Variants in FAM114A2 observed in about 807,000 individuals in gnomAD.
The protein encoded by FAM114A2 is protein FAM114A2.
In FAM114A2, 53 loss-of-function variants were observed where a neutral mutation model predicts 58.4. The observed-to-expected ratio is 0.91, with a 90% CI of 0.73 to 1.14. FAM114A2 has a LOEUF of 1.14. FAM114A2 is among the 50% of genes most tolerant of loss of function. The pLI is 0.00. For missense variants in FAM114A2, 601 were observed against 581.1 expected, an observed-to-expected ratio of 1.03 and a Z score of -0.35; for synonymous variants, 228 against 211.4, an observed-to-expected ratio of 1.08 and a Z score of -0.68.
At position 153,993,097 on chromosome 5, in the gene FAM114A2, G is replaced by A. The variant is rs2113143329; in HGVS notation, c.1397C>T (p.Ala466Val). The A allele has an allele frequency of 6.2e-7, 1 of 1,608,600 alleles. No homozygotes were observed. The highest frequency in any genetic ancestry group is 1.1e-5 in the South Asian group (1 of 90,074). The change falls in exon 14 of 14, where the codon GCC becomes GTC. Residue 466 changes from alanine (A) to valine (V), a missense_variant. Ala to Val is a moderately conservative substitution (Grantham distance 64). Coordinates refer to ENST00000351797, the MANE Select transcript of FAM114A2 (RefSeq NM_018691.4). ...TAVFLEASNS[A>V]SYIQDAFQLL... Reference sequence around the variant, plus strand: ...CTGAAAGGCGTCCTGGATGTAGGAGGCACTGTTTGATGCCTGCCAGGATTG... The same window carrying A: ...CTGAAAGGCGTCCTGGATGTAGGAGACACTGTTTGATGCCTGCCAGGATTG...
intron 11 of FAM114A2, among the ~76,000 whole-genome samples, chr5:154,000,160 T>A (rs1414197007): frequency 1.3e-5 from 2 of 151,862 alleles, no homozygotes; most frequent in African/African-American, 4.8e-5. Context: ...CTTACGGAAA[T>A]AGAGAACAGA....
intron 11 of FAM114A2, among the ~76,000 whole-genome samples, chr5:154,001,431 GCTC>G (rs1191461486): frequency 6.6e-6 from 1 of 152,086 alleles, no homozygotes; most frequent in East Asian, 1.9e-4. Context: ...CGCAGAACAG[GCTC>G]CTTTTAGGGT....
At chr5:154,008,798 T>C (rs1363526805) in intron 9 of FAM114A2, among the ~76,000 whole-genome samples, 2 of 152,152 alleles carry the variant, frequency 1.3e-5, no homozygotes, top group South Asian at 2.1e-4. Context: ...ATCTATAGTA[T>C]AGGCAAAGCA....
chr5:154,022,820 T>C (rs1771510541), intron 8 of FAM114A2, among the ~76,000 whole-genome samples: 1 of 152,180 alleles, frequency 6.6e-6, no homozygotes, highest in South Asian at 2.1e-4. Flanking sequence ...CATGCTACTA[T>C]GAGGACACAT....
chr5:153,998,192 G>A (rs1455132089), intron 11 of FAM114A2, among the ~76,000 whole-genome samples: 1 of 152,172 alleles, frequency 6.6e-6, no homozygotes, highest in African/African-American at 2.4e-5. Flanking sequence ...CCCAGGACAT[G>A]AATCATCCCT....
At chr5:154,009,126 T>C (rs1250400081) in intron 9 of FAM114A2, among the ~76,000 whole-genome samples, 1 of 152,224 alleles carries the variant, frequency 6.6e-6, no homozygotes, top group Non-Finnish European at 1.5e-5. Context: ...AGTACTCATG[T>C]CTTGGTCTAT....
Position 154,027,096 on chromosome 5 carries a change from A to G in FAM114A2, c.789+80T>C, listed in dbSNP as rs1771835190. On this transcript the variant is annotated intron_variant, in intron 7 of 13. Coordinates refer to ENST00000351797, the MANE Select transcript of FAM114A2 (RefSeq NM_018691.4). ...AACAAAACATACACTTCATCTTCCA[A>G]ATGTACAAAGAGAAAGGAAACCATG... The G allele has an allele frequency of 2.5e-6, 3 of 1,178,248 alleles. No homozygotes were observed. In the Admixed American group the frequency reaches 7.2e-5, roughly 28 times the overall value. 73.0% of individuals were successfully genotyped at this position (1,178,248 alleles called of 1,614,324 possible).
chr5:154,014,685 T>A (rs927828995), intron 8 of FAM114A2, among the ~76,000 whole-genome samples: 23 of 152,160 alleles, frequency 1.5e-4, no homozygotes, highest in African/African-American at 4.8e-4. Flanking sequence ...GCAGTTTCCA[T>A]CTTGCCTCAC....
intron 7 of FAM114A2, among the ~76,000 whole-genome samples, 185 bp downstream of exon 7, chr5:154,026,990 CT>C (rs1389221003): frequency 1.3e-5 from 2 of 151,690 alleles, no homozygotes; most frequent in Non-Finnish European, 2.9e-5. Context: ...TTGACTAATT[CT>C]GCTTTTAGCA....
intron 8 of FAM114A2, among the ~76,000 whole-genome samples, chr5:154,020,259 A>G (rs565835000): frequency 4.6e-5 from 7 of 152,342 alleles, no homozygotes; most frequent in African/African-American, 1.7e-4. Flanking sequence ...AAGAGCGAAC[A>G]AATTCAAAAG....
intron 9 of FAM114A2, 47 bp downstream of exon 9, chr5:154,011,194 A>G (rs534387366): frequency 7.1e-7 from 1 of 1,399,814 alleles, no homozygotes; most frequent in Admixed American, 1.8e-5. Context: ...TATCCACTAC[A>G]TTTTTACAAG....
chr5:153,997,717 A>T, intron 12 of FAM114A2, 86 bp downstream of exon 12: 2 of 799,812 alleles, frequency 2.5e-6, no homozygotes, highest in Non-Finnish European at 4.3e-6. Context: ...ATTGAATTGT[A>T]CACTTAAAGT....
At position 154,033,861 on chromosome 5, in the gene FAM114A2, G is replaced by T; in HGVS notation, c.333C>A (p.Ile111=). Residue 111 remains isoleucine, a synonymous_variant, in exon 4 of 14, where the codon ATC becomes ATA. Transcript: ENST00000351797. ...TTCCAAGGGAAGTCTCTGCCTTCTC[G>T]ATGACATTTGAAATGCCTTGTCCTA... is the stretch of plus-strand genomic sequence containing the variant. The part of the protein sequence containing the change: ...ATVGQGISNV[I]EKAETSLGIP... 1.9e-6 allele frequency: 3 copies of T among 1,609,312 alleles called. No homozygotes were observed. The highest frequency in any genetic ancestry group is 2.6e-6 in the Non-Finnish European group (3 of 1,176,274).
chr5:154,013,453 C>T (rs1770830094), intron 8 of FAM114A2, among the ~76,000 whole-genome samples: 1 of 152,160 alleles, frequency 6.6e-6, no homozygotes. Flanking sequence ...GTCACTATTG[C>T]ATTCTCAACC....
At chr5:154,029,846 T>C (rs1416487653) in intron 4 of FAM114A2, among the ~76,000 whole-genome samples, 1 of 152,190 alleles carries the variant, frequency 6.6e-6, no homozygotes, top group South Asian at 2.1e-4. Context: ...TGATTCCAAT[T>C]ATATAATCTT....
chr5:154,037,742 C>T lies in FAM114A2; in HGVS notation c.-15+1115G>A, dbSNP rs1470011. ...AAATATATTTTTAAAGACAGGGTCT[C>T]GCTATGTTGGCCAGGTTGGTCTTGA... On this transcript the variant is annotated intron_variant, in intron 1 of 13. Coordinates refer to ENST00000351797, the MANE Select transcript of FAM114A2 (RefSeq NM_018691.4). Among the ~76,000 whole-genome samples, 620 of 152,200 alleles carry T rather than the reference C, an allele frequency of 4.1e-3. 3 individuals are homozygous for T. Among genetic ancestry groups the T allele is most frequent in the Non-Finnish European group, 6.9e-3 (469 of 68,008 alleles).
In FAM114A2 at chr5:154,027,304, T is replaced by C. The variant is rs149584929; in HGVS notation, c.661A>G (p.Ile221Val). The part of the protein sequence containing the change: ...VLREAKEKEE[I>V]RTSNEVTVET... ...ACGGTAACCTCATTGGAGGTCCGTA[T>C]CTCTTCTTTCTCCTTCGCCTCTCGT... The change falls in exon 7 of 14, where the codon ATA becomes GTA. Residue 221 changes from isoleucine (I) to valine (V), a missense_variant. Ile to Val is a conservative substitution (Grantham distance 29). Coordinates refer to ENST00000351797, the MANE Select transcript of FAM114A2 (RefSeq NM_018691.4). The C allele has an allele frequency of 3.7e-4, 593 of 1,612,778 alleles. No homozygotes were observed. The African/African-American group carries it at 7.0e-3, about 19-fold the overall frequency.
intron 8 of FAM114A2, among the ~76,000 whole-genome samples, chr5:154,021,719 T>C (rs926203493): frequency 6.6e-6 from 1 of 152,166 alleles, no homozygotes; most frequent in South Asian, 2.1e-4. Flanking sequence ...ATGGCCATAC[T>C]GCCCAAGGTA....
At chr5:154,027,149 C>A in intron 7 of FAM114A2, 27 bp downstream of exon 7, 1 of 1,578,246 alleles carries the variant, frequency 6.3e-7, no homozygotes, top group East Asian at 2.2e-5. Flanking sequence ...AAGACTTTTT[C>A]CAGTTGAGAT....
Sources: gnomAD v4.1 joint callset for allele counts (sites outside exome capture counted in the v4.1 genomes callset) on GRCh38, gnomAD v4.1.1 for gene constraint, MANE v1.5 for transcripts, NCBI Gene and HGNC (gene_info 2026-07-23, HGNC 2026-07-21) for gene names.